Variants in GPC5 observed in about 807,000 individuals in gnomAD.
GPC5 encodes the protein glypican-5.
A neutral mutation model predicts 53.9 loss-of-function variants in GPC5; 47 were observed. The observed-to-expected ratio is 0.87, with a 90% CI of 0.69 to 1.11. The LOEUF (loss-of-function observed/expected upper bound fraction) is 1.11. GPC5 is among the 50% of genes most tolerant of loss of function. The pLI is 0.00. For missense variants in GPC5, 748 were observed against 713.1 expected (o/e 1.05, Z -0.56); for synonymous variants, 286 against 263.3 (o/e 1.09, Z -0.84).
intron 2 of GPC5, among the ~76,000 whole-genome samples, chr13:91,568,874 G>C (rs961668902): frequency 6.6e-6 from 1 of 151,230 alleles, no homozygotes; most frequent in African/African-American, 2.4e-5. Flanking sequence ...TCAGCCTCCT[G>C]AGTAGCTGGG....
intron 7 of GPC5, among the ~76,000 whole-genome samples, chr13:92,768,476 T>C (rs1875493671): frequency 6.6e-6 from 1 of 152,184 alleles, no homozygotes; most frequent in Non-Finnish European, 1.5e-5. Flanking sequence ...TTTTATCTAA[T>C]TCATTTCTCT....
chr13:91,884,325 A>G (rs140606518), intron 5 of GPC5, among the ~76,000 whole-genome samples: 2,178 of 152,312 alleles, frequency 0.014, 50 homozygotes, highest in African/African-American at 0.049. Flanking sequence ...CACTATTCAC[A>G]GTAGCAAAGG....
intron 7 of GPC5, among the ~76,000 whole-genome samples, chr13:92,852,205 A>G (rs1878836326): frequency 6.6e-6 from 1 of 152,058 alleles, no homozygotes; most frequent in South Asian, 2.1e-4. Flanking sequence ...TGGATGGGCT[A>G]GTTTAAAGAA....
chr13:92,861,394 C>T (rs1022973710), intron 7 of GPC5, among the ~76,000 whole-genome samples: 2 of 152,188 alleles, frequency 1.3e-5, no homozygotes, highest in East Asian at 1.9e-4. Flanking sequence ...CCTTGCCCAA[C>T]TGGTTACACT....
chr13:92,409,174 A>G (rs1012027463), intron 7 of GPC5, among the ~76,000 whole-genome samples: 5 of 151,998 alleles, frequency 3.3e-5, no homozygotes, highest in African/African-American at 1.2e-4. Context: ...GTGGAAAATA[A>G]TTTTACGATA....
At chr13:91,588,877 A>G (rs879086125) in intron 2 of GPC5, among the ~76,000 whole-genome samples, 1 of 152,126 alleles carries the variant, frequency 6.6e-6, no homozygotes, top group Non-Finnish European at 1.5e-5. Context: ...CTGCTGTGTC[A>G]TTGTCTTCTT....
chr13:91,943,140 G>A (rs2039943322), intron 6 of GPC5, among the ~76,000 whole-genome samples: 1 of 152,020 alleles, frequency 6.6e-6, no homozygotes, highest in Admixed American at 6.5e-5. Context: ...AGACAATGAT[G>A]AAAATCAACT....
At chr13:92,336,566 T>C (rs2043324790) in intron 7 of GPC5, among the ~76,000 whole-genome samples, 1 of 152,154 alleles carries the variant, frequency 6.6e-6, no homozygotes, top group South Asian at 2.1e-4. Flanking sequence ...TGAGTAGAGA[T>C]GGAATTTTTG....
rs573823629 is a variant in GPC5, at chr13:91,587,806, C to T, written c.326-105381C>T. ...ATCAAAGAACAGAATGTACTCAAGA[C>T]ACCCTCATGAAAGAGAGTTTTATGG... On this transcript the variant is annotated intron_variant, in intron 2 of 7. Coordinates refer to ENST00000377067, the MANE Select transcript of GPC5 (RefSeq NM_004466.6). Among the ~76,000 whole-genome samples the T allele has an allele frequency of 3.9e-5, 6 of 152,294 alleles. No homozygotes were observed. The East Asian group carries it at 1.2e-3, about 29-fold the overall frequency.
intron 7 of GPC5, among the ~76,000 whole-genome samples, chr13:92,249,955 T>A (rs558318740): frequency 6.6e-6 from 1 of 152,254 alleles, no homozygotes; most frequent in East Asian, 1.9e-4. Flanking sequence ...AAAATCATAT[T>A]TTATATAATT....
chr13:91,440,061 C>T (rs1338828620), intron 1 of GPC5, among the ~76,000 whole-genome samples: 1 of 152,092 alleles, frequency 6.6e-6, no homozygotes, highest in East Asian at 1.9e-4. Flanking sequence ...TGTTCTTAGA[C>T]ATGATTTTCT....
rs371050176 is a variant in GPC5, at chr13:92,831,335, T to A, written c.1562-34947T>A. Among the ~76,000 whole-genome samples the A allele has an allele frequency of 7.8e-4, 119 of 152,276 alleles. No individual in the cohort carries two copies. In the South Asian group the frequency reaches 0.022, roughly 28 times the overall value. On this transcript the variant is annotated intron_variant, in intron 7 of 7. Transcript: ENST00000377067. ...TAAATTTTTTTATACTTGAACCACATGTATCATATTGAGATTATTTATTCC... is the reference window on the plus strand; with the variant it reads ...TAAATTTTTTTATACTTGAACCACAAGTATCATATTGAGATTATTTATTCC...
At chr13:92,362,991 G>A (rs2043580520) in intron 7 of GPC5, among the ~76,000 whole-genome samples, 1 of 151,606 alleles carries the variant, frequency 6.6e-6, no homozygotes, top group Non-Finnish European at 1.5e-5. Flanking sequence ...GCAGAGTTGA[G>A]GAAGAAGAGA....
chr13:92,039,797 T>C lies in GPC5; in HGVS notation c.1402-105033T>C, dbSNP rs116029844. On this transcript the variant is annotated intron_variant, in intron 6 of 7. Transcript: ENST00000377067. ...ACATGTCTGTTCAAATTTCCTCTTC[T>C]TGAAATAAAATCAGTCATATTGGAT... Among the ~76,000 whole-genome samples, 1,248 of 152,296 alleles carry C rather than the reference T, an allele frequency of 8.2e-3. 18 individuals carry two copies. Among genetic ancestry groups the C allele is most frequent in the African/African-American group, 0.028 (1,162 of 41,564 alleles).
chr13:91,956,436 C>T (rs1257856730), intron 6 of GPC5, among the ~76,000 whole-genome samples: 3 of 152,166 alleles, frequency 2.0e-5, no homozygotes, highest in African/African-American at 7.2e-5. Context: ...ATTGCTAATG[C>T]CATGTCATAC....
At chr13:92,139,340 G>A (rs2041810442) in intron 6 of GPC5, among the ~76,000 whole-genome samples, 1 of 152,102 alleles carries the variant, frequency 6.6e-6, no homozygotes, top group Non-Finnish European at 1.5e-5. Flanking sequence ...CCAAGGCTAT[G>A]CCTTCTCTTT....
At chr13:92,349,042 A>G (rs2043452356) in intron 7 of GPC5, among the ~76,000 whole-genome samples, 1 of 152,212 alleles carries the variant, frequency 6.6e-6, no homozygotes, top group African/African-American at 2.4e-5. Flanking sequence ...TAGGGGAAGG[A>G]AGGAAATAAT....
intron 7 of GPC5, among the ~76,000 whole-genome samples, chr13:92,408,707 A>G (rs994777157): frequency 4.6e-5 from 7 of 151,990 alleles, no homozygotes; most frequent in African/African-American, 1.4e-4. Context: ...ATTTTTCTAT[A>G]TGTTCAGTGT....
At chr13:91,859,070 G>A (rs747671931) in intron 5 of GPC5, among the ~76,000 whole-genome samples, 15 of 148,554 alleles carry the variant, frequency 1.0e-4, no homozygotes, top group Non-Finnish European at 1.5e-4. Flanking sequence ...AAGGTTAGTA[G>A]GTTTGGTTTA....
Sources: allele counts gnomAD v4.1 joint callset (sites outside exome capture counted in the v4.1 genomes callset), GRCh38; gene constraint gnomAD v4.1.1; transcripts MANE v1.5; gene names NCBI Gene and HGNC (gene_info 2026-07-23, HGNC 2026-07-21).